The following SCIN variants were observed in gnomAD, a reference collection of about 807,000 sequenced individuals.
SCIN encodes the protein adseverin.
In SCIN, 91 loss-of-function variants were observed where a neutral mutation model predicts 91.8. The observed-to-expected ratio is 0.99, with a 90% CI of 0.84 to 1.18. The LOEUF (loss-of-function observed/expected upper bound fraction) is 1.18. Ranked by LOEUF, SCIN falls within the 50% of genes most tolerant of loss-of-function variation. The pLI is 0.00. For missense variants in SCIN, 1,087 were observed against 863.9 expected (o/e 1.26, Z -3.24); for synonymous variants, 367 against 312.6 (o/e 1.17, Z -1.84).
chr7:12,608,372 A>G lies in SCIN; in HGVS notation c.666+3709A>G, dbSNP rs575198282. On this transcript the variant is annotated intron_variant, in intron 4 of 15. Transcript: ENST00000297029. ...ACAGAGTATCCTTGTTTAAAATTTG[A>G]AAATGTCATTTCTTTTTCTGAGACC... Among the ~76,000 whole-genome samples the G allele has an allele frequency of 3.9e-5, 6 of 152,102 alleles. No individual in the cohort carries two copies. In the South Asian group the frequency reaches 6.2e-4, roughly 16 times the overall value.
intron 3 of SCIN, among the ~76,000 whole-genome samples, chr7:12,583,114 TA>T (rs574956652): frequency 0.017 from 2,491 of 147,086 alleles, 27 homozygotes; most frequent in Middle Eastern, 0.05. Flanking sequence ...TTTCTTTTCT[TA>T]AAAAAAAAAA....
At chr7:12,643,641 A>T (rs1024099373) in intron 11 of SCIN, among the ~76,000 whole-genome samples, 1 of 152,078 alleles carries the variant, frequency 6.6e-6, no homozygotes, top group Non-Finnish European at 1.5e-5. Flanking sequence ...TCTCCACATC[A>T]TGGCTGCCTT....
chr7:12,644,174 G>GTT lies in SCIN; in HGVS notation c.1622_1623dup (p.Val542LeufsTer3). The GTT allele has an allele frequency of 6.2e-7, 1 of 1,613,040 alleles. No homozygotes were observed. Among genetic ancestry groups the GTT allele is most frequent in the Non-Finnish European group, 8.5e-7 (1 of 1,179,448 alleles). On this transcript the variant is annotated frameshift_variant, in exon 12 of 16. Coordinates refer to ENST00000297029, the MANE Select transcript of SCIN (RefSeq NM_001112706.3). LOFTEE classifies it high-confidence loss of function. Reference sequence around the variant, plus strand: ...TGCAAATTCACTGAATTCTAACGATGTTTTTGTCCTGAAACTGCCACAAAA... The same window carrying GTT: ...TGCAAATTCACTGAATTCTAACGATGTTTTTTTGTCCTGAAACTGCCACAAAA...
rs1784191469 is a variant in SCIN, at chr7:12,657,570, A to ATTT, written c.*4856_*4857insTTT. On this transcript the variant is annotated 3_prime_UTR_variant, in exon 16 of 16. Transcript: ENST00000297029. ...TATATATATATATATATATATATAT[A>ATTT]TATTTTTTTTTTTTTTTTTTTTTTT... The ATTT allele has an allele frequency of 6.2e-4, 13 of 20,860 alleles. No individual in the cohort carries two copies. The highest frequency in any genetic ancestry group is 1.1e-3 in the Non-Finnish European group (10 of 9,150). 1.3% of individuals were successfully genotyped at this position (20,860 alleles called of 1,614,324 possible).
At position 12,570,757 on chromosome 7, in the gene SCIN, G is replaced by T. The variant is rs753326316; in HGVS notation, c.-30G>T. Reference sequence around the variant, plus strand: ...TTTAGTCCAAGATCAGCGATATCACGCGTCCCCCGGAGCATCGCGTGCAGG... The same window carrying T: ...TTTAGTCCAAGATCAGCGATATCACTCGTCCCCCGGAGCATCGCGTGCAGG... On this transcript the variant is annotated 5_prime_UTR_variant, in exon 1 of 16. Coordinates refer to ENST00000297029, the MANE Select transcript of SCIN (RefSeq NM_001112706.3). 2 of 1,544,702 alleles carry T rather than the reference G, an allele frequency of 1.3e-6. No homozygotes were observed. The highest frequency in any genetic ancestry group is 8.7e-7 in the Non-Finnish European group (1 of 1,143,896).
chr7:12,610,800 A>G (rs1052501849), intron 4 of SCIN, among the ~76,000 whole-genome samples: 6 of 152,284 alleles, frequency 3.9e-5, no homozygotes, highest in South Asian at 4.1e-4. Flanking sequence ...GAAAAACAAC[A>G]AACAGGTCTT....
At chr7:12,596,525 C>A (rs1253182471) in intron 3 of SCIN, 1 of 448,588 alleles carries the variant, frequency 2.2e-6, no homozygotes, top group African/African-American at 2.0e-5. Context: ...AACTGACATT[C>A]CTAGTGGTTG....
chr7:12,631,600 C>G (rs1311932621), intron 9 of SCIN, among the ~76,000 whole-genome samples: 2 of 152,112 alleles, frequency 1.3e-5, no homozygotes, highest in African/African-American at 4.8e-5. Flanking sequence ...GAGAAAGAAG[C>G]CTGAGCTGGC....
chr7:12,596,982 T>A (rs1458752715), intron 3 of SCIN, among the ~76,000 whole-genome samples: 2 of 152,234 alleles, frequency 1.3e-5, no homozygotes, highest in African/African-American at 4.8e-5. Flanking sequence ...GCTTCCTTTC[T>A]GGTCACCAAG....
At chr7:12,623,038 G>T in intron 5 of SCIN, 145 bp downstream of exon 5, 2 of 516,726 alleles carry the variant, frequency 3.9e-6, no homozygotes, top group South Asian at 4.3e-5. Flanking sequence ...TCAGTTCTTT[G>T]CTCTTGTATG....
chr7:12,600,591 G>A (rs1010781062), intron 3 of SCIN, among the ~76,000 whole-genome samples: 1 of 152,188 alleles, frequency 6.6e-6, no homozygotes, highest in African/African-American at 2.4e-5. Context: ...TCAAGTATAA[G>A]TAAAATGTTT....
intron 9 of SCIN, among the ~76,000 whole-genome samples, chr7:12,632,117 TTA>T (rs1318682889): frequency 2.1e-5 from 3 of 145,848 alleles, no homozygotes; most frequent in African/African-American, 7.8e-5. Flanking sequence ...TTATTTTATT[TTA>T]TTTTATTTTA....
intron 13 of SCIN, among the ~76,000 whole-genome samples, chr7:12,647,862 T>G (rs954163378): frequency 2.0e-5 from 3 of 152,194 alleles, no homozygotes; most frequent in African/African-American, 7.2e-5. Context: ...GGCGCATGTT[T>G]TGAGTTTATA....
chr7:12,622,926 A>G (rs890722680), intron 5 of SCIN, 33 bp downstream of exon 5: 12 of 1,511,180 alleles, frequency 7.9e-6, no homozygotes, highest in African/African-American at 4.1e-5. Flanking sequence ...TATTGTTTCA[A>G]CAGTACTGGA....
rs1177778364 is a variant in SCIN at position 12,659,148 on chromosome 7, G to GTT, written c.*6433_*6434insTT. ...TTTTTTGTATTTTTAAGTAGAGACG[G>GTT]AGTTTTGCCATGTTGGCCAGGCTGG... On this transcript the variant is annotated 3_prime_UTR_variant, in exon 16 of 16. Transcript: ENST00000297029. 2 of 152,216 alleles carry GTT rather than the reference G, an allele frequency of 1.3e-5. No individual in the cohort carries two copies. The highest frequency in any genetic ancestry group is 4.8e-5 in the African/African-American group (2 of 41,432). 9.4% of individuals were successfully genotyped at this position (152,216 alleles called of 1,614,324 possible).
chr7:12,575,635 A>G (rs1002040641), intron 1 of SCIN, among the ~76,000 whole-genome samples: 1 of 152,168 alleles, frequency 6.6e-6, no homozygotes, highest in African/African-American at 2.4e-5. Context: ...ACTTATAGAA[A>G]TTCATAGGAT....
chr7:12,600,196 C>T (rs543715114), intron 3 of SCIN, among the ~76,000 whole-genome samples: 42 of 152,218 alleles, frequency 2.8e-4, no homozygotes, highest in African/African-American at 9.2e-4. Context: ...TAATGGCATT[C>T]GCATGCACCT....
Position 12,653,737 on chromosome 7 carries a change from G to A in SCIN, c.*1022G>A, listed in dbSNP as rs1412338298. ...TCCCAGGGAGCAGAGCCAAGTTCAA[G>A]TAAGTTAACGATATCAAGTTACTTA... On this transcript the variant is annotated 3_prime_UTR_variant, in exon 16 of 16. Coordinates refer to ENST00000297029, the MANE Select transcript of SCIN (RefSeq NM_001112706.3). This position sits in a 1 kb window ranked among gnomAD's most constrained non-coding sequence, Gnocchi z 4.1. 6.6e-6 allele frequency: 1 copy of A among 152,186 alleles called. No homozygotes were observed. Among genetic ancestry groups the A allele is most frequent in the Non-Finnish European group, 1.5e-5 (1 of 68,042 alleles). 9.4% of individuals were successfully genotyped at this position (152,186 alleles called of 1,614,324 possible). A position where few individuals can be genotyped will look rare whatever the true frequency, so the allele number is the denominator to read the frequency against.
chr7:12,613,285 A>G (rs1783234755), intron 4 of SCIN, among the ~76,000 whole-genome samples: 1 of 152,162 alleles, frequency 6.6e-6, no homozygotes, highest in Non-Finnish European at 1.5e-5. Flanking sequence ...TCAGCTAAAC[A>G]CAGATATAAA....
Sources: allele counts gnomAD v4.1 joint callset (sites outside exome capture counted in the v4.1 genomes callset), GRCh38; gene constraint gnomAD v4.1.1; non-coding constraint Gnocchi (gnomAD v3.1); transcripts MANE v1.5; gene names NCBI Gene and HGNC (gene_info 2026-07-23, HGNC 2026-07-21).